The following SMOX variants were observed in gnomAD, a reference collection of about 807,000 sequenced individuals.
SMOX encodes spermine oxidase.
A neutral mutation model predicts 51.0 loss-of-function variants in SMOX; 22 were observed. The observed-to-expected ratio is 0.43, with a 90% CI of 0.31 to 0.62. The LOEUF (loss-of-function observed/expected upper bound fraction) is 0.62, where lower values mean the gene tolerates loss of function less well. Ranked by LOEUF, SMOX falls within the 20% of genes least tolerant of loss-of-function variation. SMOX has a pLI of 0.10. For missense variants in SMOX, 566 were observed against 777.7 expected, an observed-to-expected ratio of 0.73 and a Z score of 3.24; for synonymous variants, 282 against 307.8, an observed-to-expected ratio of 0.92 and a Z score of 0.88.
rs887855064 is a variant in SMOX, at chr20:4,167,679, G to A, written c.-26-7351G>A. ...AGCTGGGGCCTGATTCCCAGGTCTG[G>A]GCCAGTGTTCTCTCCCTCCTCTTCT... On this transcript the variant is annotated intron_variant, in intron 1 of 6. Transcript: ENST00000305958. This position sits in a 1 kb window ranked among gnomAD's most constrained non-coding sequence, Gnocchi z 4.8. Among the ~76,000 whole-genome samples the A allele has an allele frequency of 2.6e-5, 4 of 152,054 alleles. No individual in the cohort carries two copies. Among genetic ancestry groups the A allele is most frequent in the Admixed American group, 6.5e-5 (1 of 15,272 alleles).
intron 1 of SMOX, among the ~76,000 whole-genome samples, chr20:4,154,343 T>G (rs1371192838): frequency 6.6e-6 from 1 of 152,124 alleles, no homozygotes; most frequent in Non-Finnish European, 1.5e-5. Flanking sequence ...TCACCAGGTC[T>G]GGGGTGAGGC....
chr20:4,163,103 C>T (rs937642135), intron 1 of SMOX, among the ~76,000 whole-genome samples: 2 of 152,076 alleles, frequency 1.3e-5, no homozygotes, highest in Admixed American at 6.6e-5. Flanking sequence ...TCTGCCTCTT[C>T]CTCTCCGGCA....
Position 4,183,315 on chromosome 20 carries a change from G to A in SMOX, c.1370-179G>A. The A allele has an allele frequency of 7.3e-6, 6 of 818,480 alleles. No individual in the cohort carries two copies. The highest frequency in any genetic ancestry group is 1.2e-5 in the Non-Finnish European group (6 of 512,442). 50.7% of individuals were successfully genotyped at this position (818,480 alleles called of 1,614,324 possible). A position where few individuals can be genotyped will look rare whatever the true frequency, so the allele number is the denominator to read the frequency against. On this transcript the variant is annotated intron_variant, in intron 5 of 6. Coordinates refer to ENST00000305958, the MANE Select transcript of SMOX (RefSeq NM_175839.3). This position sits in a 1 kb window ranked among gnomAD's most constrained non-coding sequence, Gnocchi z 4.3. The stretch of plus-strand genomic sequence containing the variant: ...CCGGGGGTCACAGGAGGCGCTGAGT[G>A]GGTACACAGCTCGAGCCCCAGCCTC...
chr20:4,151,287 G>GCCA (rs1985747041), intron 1 of SMOX, among the ~76,000 whole-genome samples: 1 of 149,146 alleles, frequency 6.7e-6, no homozygotes, highest in African/African-American at 2.6e-5. Flanking sequence ...AAGCCAAGCC[G>GCCA]CGTAACCCTC....
intron 1 of SMOX, among the ~76,000 whole-genome samples, chr20:4,157,790 C>G (rs930000825): frequency 2.0e-5 from 3 of 152,134 alleles, no homozygotes; most frequent in African/African-American, 7.2e-5. Flanking sequence ...CTCAGACTCT[C>G]AGGGCAGTCA....
chr20:4,170,900 C>T lies in SMOX; in HGVS notation c.-26-4130C>T, dbSNP rs1986796275. Among the ~76,000 whole-genome samples the T allele has an allele frequency of 6.6e-6, 1 of 152,178 alleles. No individual in the cohort carries two copies. Among genetic ancestry groups the T allele is most frequent in the Non-Finnish European group, 1.5e-5 (1 of 68,038 alleles). ...GAAATTGCCAGGGGACCGGGGGGTG[C>T]ACTCATGCCCTGGCTGGCCTGATTT... On this transcript the variant is annotated intron_variant, in intron 1 of 6. Coordinates refer to ENST00000305958, the MANE Select transcript of SMOX (RefSeq NM_175839.3). This position sits in a 1 kb window ranked among gnomAD's most constrained non-coding sequence, Gnocchi z 4.6.
intron 1 of SMOX, among the ~76,000 whole-genome samples, chr20:4,158,272 C>T (rs1004445379): frequency 5.9e-5 from 9 of 152,122 alleles, no homozygotes; most frequent in African/African-American, 1.9e-4. Flanking sequence ...CGACCTGACC[C>T]GAAGGCCCTG....
chr20:4,165,049 G>GTTTTTTTTTTTTT lies in SMOX; in HGVS notation c.-26-9970_-26-9958dup, dbSNP rs781522050. ...TGCATCACCATGCCTTAGCTAAGTT[G>GTTTTTTTTTTTTT]TTTTTTTTTTTTTTTTTTTTTTTGA... On this transcript the variant is annotated intron_variant, in intron 1 of 6. Coordinates refer to ENST00000305958, the MANE Select transcript of SMOX (RefSeq NM_175839.3). 6.9e-5 allele frequency among the ~76,000 whole-genome samples: 6 copies of GTTTTTTTTTTTTT among 87,330 alleles called. 1 individual carries two copies. Among genetic ancestry groups the GTTTTTTTTTTTTT allele is most frequent in the Non-Finnish European group, 6.6e-5 (3 of 45,258 alleles). 57.3% of individuals were successfully genotyped at this position (87,330 alleles called of 152,430 possible).
At chr20:4,180,664 C>T (rs1159395900) in intron 3 of SMOX, among the ~76,000 whole-genome samples, 2 of 152,188 alleles carry the variant, frequency 1.3e-5, no homozygotes, top group African/African-American at 4.8e-5. Flanking sequence ...GCTCTCAGAT[C>T]CTCTCTCCTT....
In SMOX at chr20:4,175,264, G is replaced by A; in HGVS notation, c.208+1G>A. On this transcript the variant is annotated splice_donor_variant, in intron 2 of 6. Transcript: ENST00000305958. LOFTEE classifies it high-confidence loss of function. ...GGCCGTGTGCAGAGTGTGAAACTTGGTAAGTGCCACCCAGTCCAGCCCAGC... is the reference window on the plus strand; with the variant it reads ...GGCCGTGTGCAGAGTGTGAAACTTGATAAGTGCCACCCAGTCCAGCCCAGC... The A allele has an allele frequency of 6.2e-7, 1 of 1,613,842 alleles. No homozygotes were observed. Among genetic ancestry groups the A allele is most frequent in the Non-Finnish European group, 8.5e-7 (1 of 1,179,880 alleles).
chr20:4,180,772 C>T (rs1439078511), intron 3 of SMOX, among the ~76,000 whole-genome samples: 1 of 152,156 alleles, frequency 6.6e-6, no homozygotes, highest in African/African-American at 2.4e-5. Context: ...TTTTCTTCTC[C>T]CTTTCCTCTC....
intron 1 of SMOX, among the ~76,000 whole-genome samples, chr20:4,150,546 G>T (rs1032645425): frequency 6.6e-6 from 1 of 152,128 alleles, no homozygotes; most frequent in Non-Finnish European, 1.5e-5. Context: ...GTCCGTAGCC[G>T]CTTCTCTCTC....
rs552958161 is a variant in SMOX at position 4,149,474 on chromosome 20, C to G, written c.-27+497C>G. Among the ~76,000 whole-genome samples, 99 of 152,164 alleles carry G rather than the reference C, an allele frequency of 6.5e-4. No homozygotes were observed. In the South Asian group the frequency reaches 8.5e-3, roughly 13 times the overall value. Reference sequence around the variant, plus strand: ...GGCCCGAACGCCAGGAGAGGCTGTGCTGACTTCCCCCTCTGGGCTCCGGGC... The same window carrying G: ...GGCCCGAACGCCAGGAGAGGCTGTGGTGACTTCCCCCTCTGGGCTCCGGGC... On this transcript the variant is annotated intron_variant, in intron 1 of 6. Coordinates refer to ENST00000305958, the MANE Select transcript of SMOX (RefSeq NM_175839.3). This position sits in a 1 kb window ranked among gnomAD's most constrained non-coding sequence, Gnocchi z 6.0.
chr20:4,167,122 T>C lies in SMOX; in HGVS notation c.-26-7908T>C, dbSNP rs182028021. The stretch of plus-strand genomic sequence containing the variant: ...CTCTGATGCCCCTTCCCCTCAACAA[T>C]GGGGAGGATGGTCAGGCTGAGTCAG... On this transcript the variant is annotated intron_variant, in intron 1 of 6. Coordinates refer to ENST00000305958, the MANE Select transcript of SMOX (RefSeq NM_175839.3). This position sits in a 1 kb window ranked among gnomAD's most constrained non-coding sequence, Gnocchi z 4.8. 7.9e-5 allele frequency among the ~76,000 whole-genome samples: 12 copies of C among 152,152 alleles called. No homozygotes were observed. The highest frequency in any genetic ancestry group is 2.9e-4 in the African/African-American group (12 of 41,496).
rs1978997705 is a variant in SMOX at position 4,177,814 on chromosome 20, T to G, written c.435+237T>G. ...ATTATGTTAATTGTATTAATTTATA[T>G]TCTAATAATATTTTGGAATTTATGT... On this transcript the variant is annotated intron_variant, in intron 3 of 6. Transcript: ENST00000305958. The surrounding 1 kb of genome is among the most constrained non-coding windows in gnomAD (Gnocchi z 4.3). Among the ~76,000 whole-genome samples, 1 of 152,258 alleles carries G rather than the reference T, an allele frequency of 6.6e-6. No homozygotes were observed. The highest frequency in any genetic ancestry group is 6.5e-5 in the Admixed American group (1 of 15,286).
At chr20:4,178,079 T>C (rs1979021057) in intron 3 of SMOX, among the ~76,000 whole-genome samples, 1 of 152,232 alleles carries the variant, frequency 6.6e-6, no homozygotes, top group African/African-American at 2.4e-5. Flanking sequence ...TCTCGCTCTG[T>C]CGTCCAGGCT....
chr20:4,166,818 G>A lies in SMOX; in HGVS notation c.-26-8212G>A, dbSNP rs867907176. 6.6e-6 allele frequency among the ~76,000 whole-genome samples: 1 copy of A among 152,186 alleles called. No individual in the cohort carries two copies. Among genetic ancestry groups the A allele is most frequent in the Non-Finnish European group, 1.5e-5 (1 of 68,034 alleles). ...ATGGCTGCTTCTCCTTGCAACACAT[G>A]CCTGCCAAGGCCCCCTGGCTCCCTT... On this transcript the variant is annotated intron_variant, in intron 1 of 6. Transcript: ENST00000305958. This position sits in a 1 kb window ranked among gnomAD's most constrained non-coding sequence, Gnocchi z 4.2.
Position 4,182,695 on chromosome 20 carries a change from C to T in SMOX, c.1216C>T (p.Arg406Cys), listed in dbSNP as rs997497140. 9 of 1,614,182 alleles carry T rather than the reference C, an allele frequency of 5.6e-6. No individual in the cohort carries two copies. Among genetic ancestry groups the T allele is most frequent in the East Asian group, 2.2e-5 (1 of 44,864 alleles). The change falls in exon 5 of 7, where the codon CGC becomes TGC. Residue 406 changes from arginine (R) to cysteine (C), a missense_variant. Physicochemically the swap from Arg to Cys is radical, Grantham distance 180. Coordinates refer to ENST00000305958, the MANE Select transcript of SMOX (RefSeq NM_175839.3). This position sits in a 1 kb window ranked among gnomAD's most constrained non-coding sequence, Gnocchi z 8.4. ...CACCTACCCACCTGAGCTCTGGTAC[C>T]GCAAGATCTGCGGCTTTGATGTCCT... ...TLTYPPELWYRKICGFDVLYP... is the reference protein window; with the variant it reads ...TLTYPPELWYCKICGFDVLYP...
intron 1 of SMOX, among the ~76,000 whole-genome samples, chr20:4,151,735 G>A (rs2122356430): frequency 6.6e-6 from 1 of 152,248 alleles, no homozygotes; most frequent in Admixed American, 6.5e-5. Flanking sequence ...ATTAATCGTA[G>A]CACCTGACTT....
Sources: gnomAD v4.1 joint callset for allele counts (sites outside exome capture counted in the v4.1 genomes callset) on GRCh38, gnomAD v4.1.1 for gene constraint, Gnocchi (gnomAD v3.1) non-coding constraint, MANE v1.5 for transcripts, NCBI Gene and HGNC (gene_info 2026-07-23, HGNC 2026-07-21) for gene names.